The following CNTNAP2 variants were observed in gnomAD, a reference collection of about 807,000 sequenced individuals.
The protein encoded by CNTNAP2 is contactin associated protein 2.
Under a neutral mutation model 155.2 loss-of-function variants are expected in CNTNAP2, and 98 were observed. The observed-to-expected ratio is 0.63, with a 90% confidence interval of 0.54 to 0.75. CNTNAP2 has a LOEUF of 0.75. Among genes scored for constraint, CNTNAP2 ranks in the 30% least tolerant of loss-of-function variants. The pLI, the probability that CNTNAP2 is intolerant of heterozygous loss-of-function variation, is 0.00. For synonymous variants in CNTNAP2, 651 were observed against 631.2 expected, an observed-to-expected ratio of 1.03 and a Z score of -0.47; for missense variants, 1,727 against 1,688.1, an observed-to-expected ratio of 1.02 and a Z score of -0.40.
chr7:147,527,303 G>A (rs944559754), intron 11 of CNTNAP2, among the ~76,000 whole-genome samples: 3 of 152,028 alleles, frequency 2.0e-5, no homozygotes, highest in Non-Finnish European at 4.4e-5. Flanking sequence ...GATTACAGGC[G>A]TGAGCAACTG....
chr7:147,769,835 C>G (rs1319542377), intron 13 of CNTNAP2, among the ~76,000 whole-genome samples: 1 of 152,098 alleles, frequency 6.6e-6, no homozygotes, highest in Admixed American at 6.6e-5. Flanking sequence ...ACACGGCATG[C>G]TGTGGCATAG....
chr7:147,292,742 C>T (rs984690243), intron 8 of CNTNAP2, among the ~76,000 whole-genome samples: 6 of 150,560 alleles, frequency 4.0e-5, no homozygotes, highest in Non-Finnish European at 7.4e-5. Context: ...TAAGATTCTA[C>T]GTATTAAATA....
intron 15 of CNTNAP2, among the ~76,000 whole-genome samples, chr7:148,082,001 G>A (rs1466432811): frequency 6.6e-6 from 1 of 152,024 alleles, no homozygotes; most frequent in African/African-American, 2.4e-5. Context: ...TATAGATATG[G>A]GAGTCTTACT....
intron 12 of CNTNAP2, among the ~76,000 whole-genome samples, chr7:147,568,045 C>A (rs1043715187): frequency 2.0e-5 from 3 of 152,138 alleles, no homozygotes; most frequent in Admixed American, 6.5e-5. Flanking sequence ...GAGATTGTGC[C>A]ACTGCACTGC....
At chr7:147,619,572 C>T (rs1351893495) in intron 12 of CNTNAP2, among the ~76,000 whole-genome samples, 1 of 152,200 alleles carries the variant, frequency 6.6e-6, no homozygotes, top group Non-Finnish European at 1.5e-5. Context: ...GTGGTGATGA[C>T]CACAGGGTGA....
chr7:146,540,868 A>G lies in CNTNAP2; in HGVS notation c.98-233403A>G, dbSNP rs62484482. Among the ~76,000 whole-genome samples the G allele has an allele frequency of 6.9e-3, 1,057 of 152,170 alleles. 8 individuals carry two copies. Among genetic ancestry groups the G allele is most frequent in the Non-Finnish European group, 0.013 (878 of 67,990 alleles). ...TTACAGAATGCGTGTTTCATTATGC[A>G]TATCCTATTGGTGAATAATTTGCAA... On this transcript the variant is annotated intron_variant, in intron 1 of 23. Transcript: ENST00000361727.
chr7:147,063,412 C>G (rs1799720386), intron 4 of CNTNAP2, among the ~76,000 whole-genome samples: 1 of 152,088 alleles, frequency 6.6e-6, no homozygotes, highest in Admixed American at 6.6e-5. Context: ...GATAATTTTA[C>G]AACCGCAGGT....
At chr7:146,859,287 G>A (rs1795050904) in intron 3 of CNTNAP2, among the ~76,000 whole-genome samples, 1 of 152,192 alleles carries the variant, frequency 6.6e-6, no homozygotes, top group Non-Finnish European at 1.5e-5. Context: ...CAGAACACCA[G>A]TAACAGTATT....
chr7:147,361,302 A>T (rs1257818783), intron 9 of CNTNAP2, among the ~76,000 whole-genome samples: 1 of 152,190 alleles, frequency 6.6e-6, no homozygotes, highest in Non-Finnish European at 1.5e-5. Flanking sequence ...GACAACAATG[A>T]ATTTTATACA....
chr7:147,563,399 G>T lies in CNTNAP2; in HGVS notation c.1897+1142G>T, dbSNP rs146468509. 3.6e-3 allele frequency among the ~76,000 whole-genome samples: 551 copies of T among 152,152 alleles called. 2 individuals are homozygous for T. The highest frequency in any genetic ancestry group is 0.012 in the African/African-American group (514 of 41,528). On this transcript the variant is annotated intron_variant, in intron 12 of 23. Coordinates refer to ENST00000361727, the MANE Select transcript of CNTNAP2 (RefSeq NM_014141.6). The stretch of plus-strand genomic sequence containing the variant: ...TAATCCCAGCATCTTGGGAGACTGA[G>T]GTAGGTGGATCATGAGGTCAAGAGG...
chr7:147,457,526 C>G (rs1462335568), intron 10 of CNTNAP2, among the ~76,000 whole-genome samples: 1 of 150,568 alleles, frequency 6.6e-6, no homozygotes, highest in African/African-American at 2.5e-5. Flanking sequence ...AATTTATCTC[C>G]TGTCGTGAGA....
chr7:146,722,807 G>T (rs1801361763), intron 1 of CNTNAP2, among the ~76,000 whole-genome samples: 1 of 152,072 alleles, frequency 6.6e-6, no homozygotes, highest in Admixed American at 6.6e-5. Context: ...ACGAGGTCAG[G>T]AGTTCGAGAC....
At chr7:146,178,674 T>C (rs2116831987) in intron 1 of CNTNAP2, among the ~76,000 whole-genome samples, 1 of 152,296 alleles carries the variant, frequency 6.6e-6, no homozygotes, top group Non-Finnish European at 1.5e-5. Flanking sequence ...GTGTCAGACG[T>C]TTAGATGAAA....
rs183531453 is a variant in CNTNAP2, at chr7:146,763,464, T to C, written c.98-10807T>C. Among the ~76,000 whole-genome samples the C allele has an allele frequency of 2.2e-4, 34 of 152,284 alleles. 2 individuals are homozygous for C. The East Asian group carries it at 6.4e-3, about 29-fold the overall frequency. ...CTGAAATACTGTGTATTTTTTTTATTATTTACTATAATATGAAACTCTAGG... is the reference window on the plus strand; with the variant it reads ...CTGAAATACTGTGTATTTTTTTTATCATTTACTATAATATGAAACTCTAGG... On this transcript the variant is annotated intron_variant, in intron 1 of 23. Coordinates refer to ENST00000361727, the MANE Select transcript of CNTNAP2 (RefSeq NM_014141.6).
rs534869077 is a variant in CNTNAP2 at position 148,362,796 on chromosome 7, C to T, written c.3476-20853C>T. On this transcript the variant is annotated intron_variant, in intron 21 of 23. Transcript: ENST00000361727. Reference sequence around the variant, plus strand: ...CTCTCACTCCAGCCCCATGTTTCAACGTTTAAAGGGAAGCCAGAATACATA... The same window carrying T: ...CTCTCACTCCAGCCCCATGTTTCAATGTTTAAAGGGAAGCCAGAATACATA... Among the ~76,000 whole-genome samples the T allele has an allele frequency of 6.2e-4, 95 of 152,270 alleles. 1 individual carries two copies. Among genetic ancestry groups the T allele is most frequent in the African/African-American group, 2.2e-3 (92 of 41,556 alleles).
chr7:147,099,008 G>A (rs996073254), intron 4 of CNTNAP2, among the ~76,000 whole-genome samples: 6 of 151,420 alleles, frequency 4.0e-5, no homozygotes, highest in African/African-American at 1.5e-4. Context: ...GGGAGCTCAG[G>A]GAAGCACCAG....
chr7:146,530,453 T>C (rs796092646), intron 1 of CNTNAP2, among the ~76,000 whole-genome samples: 2 of 152,030 alleles, frequency 1.3e-5, no homozygotes, highest in South Asian at 4.1e-4. Flanking sequence ...ATCTACAGAA[T>C]GGGAGAAAAT....
intron 8 of CNTNAP2, among the ~76,000 whole-genome samples, chr7:147,158,044 T>C (rs1801959284): frequency 6.6e-6 from 1 of 152,100 alleles, no homozygotes; most frequent in African/African-American, 2.4e-5. Flanking sequence ...AACACTCAGC[T>C]AAATGACAAT....
intron 1 of CNTNAP2, among the ~76,000 whole-genome samples, chr7:146,598,295 A>G (rs1293830588): frequency 6.6e-6 from 1 of 152,000 alleles, no homozygotes; most frequent in Non-Finnish European, 1.5e-5. Context: ...CGTCATAATA[A>G]CATGCTGTTA....
Sources: allele counts gnomAD v4.1 joint callset (sites outside exome capture counted in the v4.1 genomes callset), GRCh38; gene constraint gnomAD v4.1.1; transcripts MANE v1.5; gene names NCBI Gene and HGNC (gene_info 2026-07-23, HGNC 2026-07-21).